The following EYS variants were observed in gnomAD, a reference collection of about 807,000 sequenced individuals.
EYS encodes EGF-like photoreceptor maintenance factor, also known as protein eyes shut homolog.
Under a neutral mutation model 282.1 loss-of-function variants are expected in EYS, and 250 were observed. The ratio of observed to expected loss-of-function variants is 0.89; its 90% CI spans 0.80 to 0.98. EYS has a LOEUF of 0.98. Among genes scored for constraint, EYS ranks in the 50% least tolerant of loss-of-function variants. The pLI is 0.00. For missense variants in EYS, 4,016 were observed against 3,709.0 expected (o/e 1.08, Z -2.15); for synonymous variants, 1,355 against 1,282.9 (o/e 1.06, Z -1.20).
chr6:65,638,058 G>A (rs1223075492), intron 2 of EYS, among the ~76,000 whole-genome samples: 1 of 152,040 alleles, frequency 6.6e-6, no homozygotes, highest in Non-Finnish European at 1.5e-5. Flanking sequence ...TGCTTTTTTC[G>A]GGCCTGCCAA....
chr6:65,328,988 C>G (rs548040883), intron 11 of EYS, among the ~76,000 whole-genome samples: 1 of 150,920 alleles, frequency 6.6e-6, no homozygotes, highest in Non-Finnish European at 1.5e-5. Flanking sequence ...AACTCCAAGT[C>G]TTAGAAAATA....
In EYS at chr6:63,936,873, CAAAT is replaced by C. The variant is rs532961833; in HGVS notation, c.7055+47506_7055+47509del. Among the ~76,000 whole-genome samples, 29 of 152,176 alleles carry C rather than the reference CAAAT, an allele frequency of 1.9e-4. No homozygotes were observed. The East Asian group carries it at 5.4e-3, about 28-fold the overall frequency. On this transcript the variant is annotated intron_variant, in intron 35 of 42. Transcript: ENST00000503581. ...AAGCAATCTAAAATAAAATCAGTAA[CAAAT>C]AAGTTGCAAACTAGGAAATTATAAC...
chr6:64,707,562 C>T (rs566489879), intron 22 of EYS, among the ~76,000 whole-genome samples: 1 of 150,600 alleles, frequency 6.6e-6, no homozygotes, highest in African/African-American at 2.4e-5. Context: ...CCAGCTACTC[C>T]GGAGGCTGAG....
intron 33 of EYS, among the ~76,000 whole-genome samples, chr6:64,061,123 G>A (rs1347169238): frequency 6.6e-6 from 1 of 152,130 alleles, no homozygotes; most frequent in Non-Finnish European, 1.5e-5. Context: ...AGGAGTGTTA[G>A]TAGCATCTAA....
At chr6:65,051,767 T>C (rs1452082503) in intron 13 of EYS, among the ~76,000 whole-genome samples, 1 of 151,444 alleles carries the variant, frequency 6.6e-6, no homozygotes, top group Non-Finnish European at 1.5e-5. Flanking sequence ...CACTTATGTG[T>C]GGAATCTAAA....
chr6:64,760,568 G>A (rs1359163799), intron 22 of EYS, among the ~76,000 whole-genome samples: 3 of 152,114 alleles, frequency 2.0e-5, no homozygotes, highest in Non-Finnish European at 4.4e-5. Context: ...AATGACATGA[G>A]CCAAGATACT....
intron 35 of EYS, among the ~76,000 whole-genome samples, chr6:63,969,845 C>G (rs1419453415): frequency 2.0e-5 from 3 of 152,212 alleles, no homozygotes; most frequent in Non-Finnish European, 4.4e-5. Flanking sequence ...TGTAGTCTCT[C>G]TCTCTCTTGC....
intron 35 of EYS, among the ~76,000 whole-genome samples, chr6:63,949,548 A>C (rs753569623): frequency 2.0e-5 from 3 of 152,034 alleles, no homozygotes; most frequent in Non-Finnish European, 4.4e-5. Flanking sequence ...TGCCCTTTTT[A>C]TTCACTCATT....
chr6:64,159,582 A>G (rs2150300113), intron 31 of EYS, among the ~76,000 whole-genome samples: 1 of 150,158 alleles, frequency 6.7e-6, no homozygotes, highest in East Asian at 1.9e-4. Context: ...AAAAAAAAAA[A>G]AAAAAGTTTA....
intron 11 of EYS, among the ~76,000 whole-genome samples, chr6:65,297,504 C>T (rs1413841351): frequency 2.0e-5 from 3 of 151,920 alleles, no homozygotes; most frequent in African/African-American, 4.8e-5. Context: ...AGATTATTAA[C>T]GGTAGGAAGT....
intron 31 of EYS, among the ~76,000 whole-genome samples, chr6:64,118,273 T>G (rs1253974153): frequency 2.0e-5 from 3 of 152,056 alleles, no homozygotes; most frequent in Non-Finnish European, 4.4e-5. Context: ...CATCACATGA[T>G]TTGACCTCAA....
At chr6:63,795,327 G>A (rs1770618146) in intron 37 of EYS, among the ~76,000 whole-genome samples, 1 of 152,202 alleles carries the variant, frequency 6.6e-6, no homozygotes, top group African/African-American at 2.4e-5. Context: ...TCTAGGTGAA[G>A]AAGTGGATGG....
chr6:65,510,398 C>A (rs1007069083), intron 2 of EYS, among the ~76,000 whole-genome samples: 1 of 151,980 alleles, frequency 6.6e-6, no homozygotes, highest in Non-Finnish European at 1.5e-5. Flanking sequence ...GCCAGATTTT[C>A]TTAATCCAGT....
At chr6:65,164,315 G>T (rs1764918032) in intron 12 of EYS, among the ~76,000 whole-genome samples, 2 of 151,204 alleles carry the variant, frequency 1.3e-5, no homozygotes, top group Admixed American at 6.6e-5. Flanking sequence ...TAAATGTGTT[G>T]TTCCGGCCTT....
intron 26 of EYS, among the ~76,000 whole-genome samples, chr6:64,567,440 C>G (rs1765598698): frequency 1.3e-5 from 2 of 152,118 alleles, no homozygotes; most frequent in South Asian, 4.1e-4. Context: ...AGGTGTCAAG[C>G]ATGGTATTAT....
intron 12 of EYS, among the ~76,000 whole-genome samples, chr6:65,234,277 G>A (rs1287803489): frequency 2.0e-5 from 3 of 151,996 alleles, no homozygotes; most frequent in Admixed American, 6.6e-5. Flanking sequence ...GTGGTACTCC[G>A]GCTCTAAGAG....
chr6:65,568,856 A>C (rs1180806262), intron 2 of EYS, among the ~76,000 whole-genome samples: 1 of 152,214 alleles, frequency 6.6e-6, no homozygotes, highest in African/African-American at 2.4e-5. Context: ...CCACATTTGC[A>C]AAAATGATCA....
At chr6:65,701,611 C>T (rs950316589) in intron 1 of EYS, among the ~76,000 whole-genome samples, 1 of 152,140 alleles carries the variant, frequency 6.6e-6, no homozygotes, top group South Asian at 2.1e-4. Context: ...TCTTCTCACC[C>T]TATTTGAATT....
chr6:64,548,992 T>G (rs1473792870), intron 26 of EYS, among the ~76,000 whole-genome samples: 2 of 152,112 alleles, frequency 1.3e-5, no homozygotes, highest in Non-Finnish European at 2.9e-5. Context: ...TAATATATGA[T>G]CATTACTCTA....
Sources: allele counts gnomAD v4.1 joint callset (sites outside exome capture counted in the v4.1 genomes callset), GRCh38; gene constraint gnomAD v4.1.1; transcripts MANE v1.5; gene names NCBI Gene and HGNC (gene_info 2026-07-23, HGNC 2026-07-21).